Variants in EOGT observed in about 807,000 individuals in gnomAD.
EOGT encodes the protein EGF domain-specific O-linked N-acetylglucosamine transferase.
Under a neutral mutation model 70.5 loss-of-function variants are expected in EOGT, and 55 were observed. That is an observed-to-expected ratio of 0.78 (90% CI 0.63 to 0.98). The LOEUF (loss-of-function observed/expected upper bound fraction) is 0.98, where lower values mean the gene tolerates loss of function less well. Among genes scored for constraint, EOGT ranks in the 50% least tolerant of loss-of-function variants. EOGT has a pLI of 0.00. For synonymous variants in EOGT, 246 were observed against 217.1 expected (o/e 1.13, Z -1.17); for missense variants, 703 against 641.9 (o/e 1.10, Z -1.03).
chr3:68,997,701 G>T (rs1559604154), intron 10 of EOGT, among the ~76,000 whole-genome samples: 1 of 152,058 alleles, frequency 6.6e-6, no homozygotes, highest in African/African-American at 2.4e-5. Flanking sequence ...TGTCCCAGAG[G>T]AACACTAAGC....
chr3:69,001,209 C>A (rs1345106512), intron 9 of EOGT, among the ~76,000 whole-genome samples: 3 of 152,090 alleles, frequency 2.0e-5, no homozygotes, highest in South Asian at 2.1e-4. Context: ...CTGCCTGCCT[C>A]GGCCTCCCAC....
At chr3:68,993,531 G>A (rs1220414067) in intron 10 of EOGT, among the ~76,000 whole-genome samples, 2 of 152,222 alleles carry the variant, frequency 1.3e-5, no homozygotes, top group East Asian at 1.9e-4. Flanking sequence ...CAAGTCTCTA[G>A]GAAGTTGCAA....
intron 8 of EOGT, among the ~76,000 whole-genome samples, chr3:69,003,711 G>A (rs1484411587): frequency 6.6e-6 from 1 of 152,172 alleles, no homozygotes; most frequent in East Asian, 1.9e-4. Flanking sequence ...AGTCAGAGTA[G>A]CATCTACCTT....
Position 69,007,834 on chromosome 3 carries a change from A to G in EOGT, c.312-13T>C. 1 of 1,564,614 alleles carries G rather than the reference A, an allele frequency of 6.4e-7. No homozygotes were observed. Among genetic ancestry groups the G allele is most frequent in the Non-Finnish European group, 8.7e-7 (1 of 1,150,290 alleles). On this transcript the variant is annotated splice_polypyrimidine_tract_variant and intron_variant, in intron 5 of 17. Coordinates refer to ENST00000383701, the MANE Select transcript of EOGT (RefSeq NM_001278689.2). ...AAGAGTGTCCGTCCTATTTGCAAAT[A>G]AAAATATTCTGTGTTTTTTTCTTTT...
At chr3:69,002,063 G>A (rs190249779) in intron 8 of EOGT, among the ~76,000 whole-genome samples, 4 of 152,190 alleles carry the variant, frequency 2.6e-5, no homozygotes, top group South Asian at 2.1e-4. Flanking sequence ...AGTGGCGAGC[G>A]CCTTTAGTCC....
chr3:68,994,363 G>A (rs534119485), intron 10 of EOGT, among the ~76,000 whole-genome samples: 1 of 152,080 alleles, frequency 6.6e-6, no homozygotes, highest in African/African-American at 2.4e-5. Context: ...GTCCTGCAAG[G>A]GACTCACACA....
At chr3:68,995,176 G>T (rs1442977024) in intron 10 of EOGT, among the ~76,000 whole-genome samples, 1 of 152,156 alleles carries the variant, frequency 6.6e-6, no homozygotes, top group Non-Finnish European at 1.5e-5. Flanking sequence ...CATCCACCGG[G>T]AGGGATTCAT....
intron 4 of EOGT, among the ~76,000 whole-genome samples, chr3:69,009,082 TTTCCATATGC>T (rs1315456581): frequency 6.6e-6 from 1 of 152,206 alleles, no homozygotes; most frequent in Non-Finnish European, 1.5e-5. Flanking sequence ...CAAGTCTGCT[TTTCCATATGC>T]TTCCTGTGCC....
intron 15 of EOGT, among the ~76,000 whole-genome samples, chr3:68,980,926 C>A (rs961276321): frequency 1.1e-4 from 16 of 152,162 alleles, no homozygotes; most frequent in Non-Finnish European, 4.4e-5. Context: ...TACAACATAT[C>A]CTTAAAAGCC....
chr3:68,996,261 G>A (rs1310467533), intron 10 of EOGT, among the ~76,000 whole-genome samples: 1 of 152,192 alleles, frequency 6.6e-6, no homozygotes, highest in East Asian at 1.9e-4. Flanking sequence ...TCAAAGTCTA[G>A]GGAGCAGTGA....
chr3:68,990,071 T>TA (rs1294091747), intron 10 of EOGT, among the ~76,000 whole-genome samples: 1 of 152,190 alleles, frequency 6.6e-6, no homozygotes, highest in East Asian at 1.9e-4. Flanking sequence ...CTTTATATAA[T>TA]AATAATAGCA....
intron 16 of EOGT, among the ~76,000 whole-genome samples, chr3:68,979,069 A>G (rs1313588489): frequency 6.6e-6 from 1 of 152,216 alleles, no homozygotes; most frequent in Non-Finnish European, 1.5e-5. Context: ...GAACCCAGAT[A>G]TTTAGACATA....
intron 8 of EOGT, among the ~76,000 whole-genome samples, chr3:69,003,780 T>C (rs1229727607): frequency 1.3e-5 from 2 of 152,238 alleles, no homozygotes; most frequent in Admixed American, 1.3e-4. Flanking sequence ...CAATGTTCTA[T>C]TTTTGGACCT....
At chr3:68,978,627 T>G (rs1317226636) in intron 16 of EOGT, among the ~76,000 whole-genome samples, 192 bp from the exon 17 acceptor site, 4 of 152,148 alleles carry the variant, frequency 2.6e-5, no homozygotes, top group African/African-American at 9.7e-5. Flanking sequence ...ACTTAACTTT[T>G]AAAAAACAAA....
intron 1 of EOGT, among the ~76,000 whole-genome samples, 191 bp downstream of exon 1, chr3:69,013,383 A>G (rs2091626946): frequency 6.6e-6 from 1 of 151,840 alleles, no homozygotes; most frequent in South Asian, 2.1e-4. Context: ...GGGGAGGGCC[A>G]GGATCGGCTT....
intron 10 of EOGT, among the ~76,000 whole-genome samples, chr3:68,989,944 A>C (rs1448478534): frequency 6.6e-6 from 1 of 151,892 alleles, no homozygotes; most frequent in East Asian, 1.9e-4. Flanking sequence ...TGTCTCTAAT[A>C]AAATAAAATA....
intron 10 of EOGT, among the ~76,000 whole-genome samples, chr3:68,994,590 G>A (rs1198693409): frequency 6.6e-6 from 1 of 152,120 alleles, no homozygotes; most frequent in Non-Finnish European, 1.5e-5. Flanking sequence ...TCAGGAGTTC[G>A]AAACCAGCCT....
Position 69,007,697 on chromosome 3 carries a change from G to T in EOGT, c.420+16C>A. 6.8e-7 allele frequency: 1 copy of T among 1,478,128 alleles called. No individual in the cohort carries two copies. The highest frequency in any genetic ancestry group is 9.3e-7 in the Non-Finnish European group (1 of 1,075,042). 91.6% of individuals were successfully genotyped at this position (1,478,128 alleles called of 1,614,324 possible). A position where few individuals can be genotyped will look rare whatever the true frequency, so the allele number is the denominator to read the frequency against. ...TTAAATAAACAAGTTTATTTAGTAA[G>T]GAGCAAAATACCCACCGTTTCCTTA... On this transcript the variant is annotated intron_variant, in intron 6 of 17. Transcript: ENST00000383701.
chr3:69,007,892 G>A (rs1166517233), intron 5 of EOGT, 71 bp from the exon 6 acceptor site: 2 of 1,061,342 alleles, frequency 1.9e-6, no homozygotes, highest in East Asian at 2.6e-5. Context: ...TCATTCTAAA[G>A]GTTAAAATGC....
Sources: allele counts gnomAD v4.1 joint callset (sites outside exome capture counted in the v4.1 genomes callset), GRCh38; gene constraint gnomAD v4.1.1; transcripts MANE v1.5; gene names NCBI Gene and HGNC (gene_info 2026-07-23, HGNC 2026-07-21).